The following STK38 variants were observed in gnomAD, a reference collection of about 807,000 sequenced individuals.
The protein encoded by STK38 is serine/threonine kinase 38.
Under a neutral mutation model 59.0 loss-of-function variants are expected in STK38, and 26 were observed. That is an observed-to-expected ratio of 0.44 (90% CI 0.32 to 0.61). The LOEUF (loss-of-function observed/expected upper bound fraction) is 0.61. STK38 is among the 20% of genes least tolerant of loss of function. The pLI is 0.04. For synonymous variants in STK38, 175 were observed against 176.6 expected, an observed-to-expected ratio of 0.99 and a Z score of 0.07; for missense variants, 433 against 566.0, an observed-to-expected ratio of 0.76 and a Z score of 2.38.
chr6:36,516,274 T>C (rs1777249483), intron 6 of STK38, among the ~76,000 whole-genome samples: 1 of 152,192 alleles, frequency 6.6e-6, no homozygotes, highest in Non-Finnish European at 1.5e-5. Flanking sequence ...TCATTTCTAA[T>C]ACCAGCAACA....
rs774643972 is a variant in STK38 at position 36,521,814 on chromosome 6, G to A, written c.310C>T (p.Arg104Trp). Reference protein sequence around the residue: ...VIGRGAFGEVRLVQKKDTGHV... With the variant: ...VIGRGAFGEVWLVQKKDTGHV... ...CCCGTATCTTTCTTCTGAACAAGCCGTACCTAAAAAGTTATAAAAGAAATG... is the reference window on the plus strand; with the variant it reads ...CCCGTATCTTTCTTCTGAACAAGCCATACCTAAAAAGTTATAAAAGAAATG... The change falls in exon 5 of 14, where the codon CGG becomes TGG. Residue 104 changes from arginine to tryptophan, a missense_variant. Arg to Trp is a moderately radical substitution (Grantham distance 101, BLOSUM62 -3). Coordinates refer to ENST00000229812, the MANE Select transcript of STK38 (RefSeq NM_007271.4). 2.4e-5 allele frequency: 38 copies of A among 1,608,472 alleles called. No individual in the cohort carries two copies. Among genetic ancestry groups the A allele is most frequent in the East Asian group, 4.5e-5 (2 of 44,592 alleles).
Position 36,547,413 on chromosome 6 carries a change from C to G in STK38, c.-229G>C, listed in dbSNP as rs920411860. The G allele has an allele frequency of 1.3e-5, 2 of 152,294 alleles. No individual in the cohort carries two copies. Among genetic ancestry groups the G allele is most frequent in the Non-Finnish European group, 2.9e-5 (2 of 68,108 alleles). The allele number at this position is 152,294 out of a possible 1,614,324, so 9.4% of individuals were successfully genotyped here. A position where few individuals can be genotyped will look rare whatever the true frequency, so the allele number is the denominator to read the frequency against. ...CGGAAAAGACGCGAGCGCTGAGGGG[C>G]CAAGGCAGCCCGGTCCCCCGCCGCG... is the stretch of plus-strand genomic sequence containing the variant. On this transcript the variant is annotated 5_prime_UTR_variant, in exon 1 of 14. Coordinates refer to ENST00000229812, the MANE Select transcript of STK38 (RefSeq NM_007271.4).
At chr6:36,536,905 TA>T (rs556888953) in intron 2 of STK38, among the ~76,000 whole-genome samples, 212 of 148,002 alleles carry the variant, frequency 1.4e-3, no homozygotes, top group East Asian at 4.5e-3. Flanking sequence ...CAATAACCAT[TA>T]AAAAAAAAAT....
At chr6:36,520,983 C>T (rs994974001) in intron 5 of STK38, among the ~76,000 whole-genome samples, 6 of 152,138 alleles carry the variant, frequency 3.9e-5, no homozygotes, top group Non-Finnish European at 7.4e-5. Flanking sequence ...TTTTACAGGA[C>T]ATTTGCGGTC....
intron 2 of STK38, among the ~76,000 whole-genome samples, chr6:36,533,052 T>G (rs1582456472): frequency 7.8e-6 from 1 of 128,596 alleles, no homozygotes. Flanking sequence ...TGCAACAGAG[T>G]GAGACTCCAT....
At chr6:36,517,969 C>T in intron 5 of STK38, 129 bp from the exon 6 acceptor site, 1 of 1,248,390 alleles carries the variant, frequency 8.0e-7, no homozygotes, top group Non-Finnish European at 1.1e-6. Context: ...TATAAAAGAT[C>T]CAATTTCTGC....
intron 13 of STK38, 133 bp from the exon 14 acceptor site, chr6:36,496,047 T>A: frequency 1.1e-6 from 1 of 906,742 alleles, no homozygotes; most frequent in East Asian, 3.2e-5. Flanking sequence ...CTATGAATTT[T>A]TTTTTTTTTT....
chr6:36,545,762 T>C (rs896142396), intron 1 of STK38, among the ~76,000 whole-genome samples: 12 of 152,178 alleles, frequency 7.9e-5, no homozygotes, highest in Admixed American at 7.9e-4. Flanking sequence ...ATTTGTTTCA[T>C]TCTTCAACTC....
At chr6:36,513,571 C>T (rs1181942557) in intron 7 of STK38, among the ~76,000 whole-genome samples, 3 of 152,070 alleles carry the variant, frequency 2.0e-5, no homozygotes, top group South Asian at 2.1e-4. Context: ...CCTCGGCCTC[C>T]CAAAGTGCTG....
chr6:36,503,821 G>T (rs1259319497), intron 9 of STK38, among the ~76,000 whole-genome samples: 1 of 152,028 alleles, frequency 6.6e-6, no homozygotes, highest in Non-Finnish European at 1.5e-5. Context: ...CCAGAAACTA[G>T]AGTCTGCCAC....
intron 1 of STK38, among the ~76,000 whole-genome samples, chr6:36,541,454 T>C (rs895602370): frequency 1.3e-5 from 2 of 152,192 alleles, no homozygotes; most frequent in African/African-American, 2.4e-5. Flanking sequence ...AAAATCTACC[T>C]TGAAGAAATC....
intron 5 of STK38, among the ~76,000 whole-genome samples, chr6:36,520,916 CCCTAAATTAGGAGTTCT>C (rs1777362724): frequency 6.6e-6 from 1 of 152,116 alleles, no homozygotes; most frequent in African/African-American, 2.4e-5. Context: ...CCCTCTTTGG[CCCTAAATTAGGAGTTCT>C]CCTTGTCACA....
chr6:36,525,702 T>C, intron 2 of STK38, 60 bp from the exon 3 acceptor site: 1 of 1,425,162 alleles, frequency 7.0e-7, no homozygotes, highest in South Asian at 1.2e-5. Context: ...TTCTGAAAAT[T>C]CTGTAACTTA....
intron 4 of STK38, 120 bp downstream of exon 4, chr6:36,524,221 G>T: frequency 8.3e-7 from 1 of 1,207,810 alleles, no homozygotes; most frequent in South Asian, 1.7e-5. Context: ...TGTGGGGCTG[G>T]CATGCCTGAC....
chr6:36,535,394 A>G (rs1001195505), intron 2 of STK38, among the ~76,000 whole-genome samples: 2 of 148,858 alleles, frequency 1.3e-5, no homozygotes, highest in Admixed American at 1.4e-4. Context: ...GGTTGTAGTG[A>G]CCTGAGATCA....
chr6:36,538,927 A>T (rs1427581290), intron 2 of STK38, among the ~76,000 whole-genome samples: 1 of 149,892 alleles, frequency 6.7e-6, no homozygotes, highest in African/African-American at 2.5e-5. Flanking sequence ...ATTAAGATGG[A>T]TTAATGACAG....
intron 2 of STK38, among the ~76,000 whole-genome samples, chr6:36,534,865 T>A (rs1015974116): frequency 4.7e-5 from 7 of 147,720 alleles, no homozygotes; most frequent in African/African-American, 1.5e-4. Context: ...GGTGAATAGA[T>A]TGAAAAGGAA....
chr6:36,538,119 T>C (rs191569777), intron 2 of STK38, among the ~76,000 whole-genome samples: 1 of 151,360 alleles, frequency 6.6e-6, no homozygotes, highest in East Asian at 2.0e-4. Context: ...GCTAATACAG[T>C]GAAACCCCGT....
chr6:36,537,373 C>G (rs1186088793), intron 2 of STK38, among the ~76,000 whole-genome samples: 1 of 152,136 alleles, frequency 6.6e-6, no homozygotes, highest in African/African-American at 2.4e-5. Context: ...GTACATGATT[C>G]AGCAATTCCA....
Sources: gnomAD v4.1 joint callset for allele counts (sites outside exome capture counted in the v4.1 genomes callset) on GRCh38, gnomAD v4.1.1 for gene constraint, MANE v1.5 for transcripts, NCBI Gene and HGNC (gene_info 2026-07-23, HGNC 2026-07-21) for gene names.